FABP6: variants seen among roughly 807,000 people sequenced by gnomAD.
The protein encoded by FABP6 is fatty acid binding protein 6, also known as gastrotropin.
Under a neutral mutation model 14.9 loss-of-function variants are expected in FABP6, and 13 were observed. That is an observed-to-expected ratio of 0.87 (90% CI 0.57 to 1.39). The LOEUF is 1.39. Ranked by LOEUF, FABP6 falls within the 40% of genes most tolerant of loss-of-function variation. The pLI, the probability that FABP6 is intolerant of heterozygous loss-of-function variation, is 0.00. For synonymous variants in FABP6, 75 were observed against 63.6 expected (o/e 1.18, Z -0.85); for missense variants, 161 against 167.2 (o/e 0.96, Z 0.20).
intron 3 of FABP6, among the ~76,000 whole-genome samples, chr5:160,238,327 T>A (rs142050181): frequency 3.9e-5 from 6 of 152,200 alleles, no homozygotes; most frequent in Admixed American, 1.3e-4. Context: ...TTAAATGGAA[T>A]CATGCAGGGT....
At chr5:160,194,067 G>C (rs1168748645) in intron 1 of FABP6, among the ~76,000 whole-genome samples, 1 of 152,246 alleles carries the variant, frequency 6.6e-6, no homozygotes, top group African/African-American at 2.4e-5. Context: ...GGCCCGGCGA[G>C]AAATCAAGCG....
chr5:160,209,912 G>T (rs955647591), intron 2 of FABP6, among the ~76,000 whole-genome samples: 7 of 152,108 alleles, frequency 4.6e-5, no homozygotes, highest in African/African-American at 1.7e-4. Context: ...AGCAACCTAA[G>T]ACATACATTT....
At chr5:160,234,979 A>G in intron 3 of FABP6, 70 bp downstream of exon 3, 5 of 1,394,436 alleles carry the variant, frequency 3.6e-6, no homozygotes, top group Non-Finnish European at 4.0e-6. Flanking sequence ...GCCCCTCAGA[A>G]GTAGGCCTCT....
chr5:160,224,098 T>C (rs1293354038), intron 3 of FABP6, among the ~76,000 whole-genome samples: 3 of 151,588 alleles, frequency 2.0e-5, no homozygotes, highest in Non-Finnish European at 4.4e-5. Flanking sequence ...TAGCTGGGCG[T>C]GGTGGTGGGC....
At chr5:160,201,500 T>C (rs1250395238) in intron 2 of FABP6, among the ~76,000 whole-genome samples, 1 of 150,866 alleles carries the variant, frequency 6.6e-6, no homozygotes, top group Non-Finnish European at 1.5e-5. Context: ...GAGAAGTGAA[T>C]GTATTACCTA....
At chr5:160,216,201 A>G (rs1760009277) in intron 3 of FABP6, among the ~76,000 whole-genome samples, 1 of 152,102 alleles carries the variant, frequency 6.6e-6, no homozygotes, top group African/African-American at 2.4e-5. Context: ...CCTAACACAT[A>G]GCCTTGTGCT....
intron 1 of FABP6, among the ~76,000 whole-genome samples, chr5:160,194,149 C>T (rs1759461956): frequency 6.6e-6 from 1 of 152,236 alleles, no homozygotes; most frequent in African/African-American, 2.4e-5. Flanking sequence ...GTGCTAAGTC[C>T]CTCATTGCCC....
chr5:160,229,861 ATTTTATTTTATT>A (rs1217552714), intron 1 of FABP6, among the ~76,000 whole-genome samples: 1 of 112,248 alleles, frequency 8.9e-6, no homozygotes, highest in African/African-American at 3.0e-5. Flanking sequence ...ATTTTATTTT[ATTTTATTTTATT>A]TTATTTTATT....
At chr5:160,194,094 G>A (rs747239966) in intron 1 of FABP6, among the ~76,000 whole-genome samples, 7 of 152,204 alleles carry the variant, frequency 4.6e-5, no homozygotes, top group Non-Finnish European at 1.0e-4. Flanking sequence ...CGGTGGGCCG[G>A]CACTGCTGGG....
chr5:160,226,604 A>G (rs1207301829), upstream of FABP6, among the ~76,000 whole-genome samples: 1 of 152,146 alleles, frequency 6.6e-6, no homozygotes, highest in Non-Finnish European at 1.5e-5. Flanking sequence ...TACTTTGTCA[A>G]GGTAACACTT....
chr5:160,227,818 A>ATGTG (rs776387001), upstream of FABP6, among the ~76,000 whole-genome samples: 5,181 of 130,052 alleles, frequency 0.04, 154 homozygotes, highest in African/African-American at 0.084. Flanking sequence ...AAAATCCATG[A>ATGTG]CGTGTGTGTG....
chr5:160,197,926 G>GTGTGTGTGTGTGTGTT, intron 1 of FABP6: 1 of 127,884 alleles, frequency 7.8e-6, no homozygotes. Flanking sequence ...TGCTTCGTGT[G>GTGTGTGTGTGTGTGTT]TGTGTGTGTG....
chr5:160,225,290 T>G (rs1463132089), upstream of FABP6, among the ~76,000 whole-genome samples: 4 of 150,874 alleles, frequency 2.7e-5, no homozygotes, highest in Non-Finnish European at 4.4e-5. Flanking sequence ...AGAGATGGGG[T>G]TCTGCCATGT....
chr5:160,190,538 T>C (rs1759374745), intron 1 of FABP6, among the ~76,000 whole-genome samples: 1 of 152,158 alleles, frequency 6.6e-6, no homozygotes, highest in African/African-American at 2.4e-5. Flanking sequence ...AGCCTGTGTC[T>C]CAGTTTTACA....
In FABP6 at chr5:160,219,389, TGTTCTATTG is replaced by T. The variant is rs1216730832; in HGVS notation, c.135+5580_135+5588del. ...TTCTTTATCTCTATTGGGGTATAGT[TGTTCTATTG>T]GTTCTATTGCCTCATAAAACTTCAC... On this transcript the variant is annotated intron_variant, in intron 3 of 6. Coordinates refer to the FABP6 transcript ENST00000393980. Among the ~76,000 whole-genome samples, 3 of 152,200 alleles carry T rather than the reference TGTTCTATTG, an allele frequency of 2.0e-5. No individual in the cohort carries two copies. In the East Asian group the frequency reaches 5.8e-4, roughly 29 times the overall value.
chr5:160,199,742 C>T (rs1759592432), intron 2 of FABP6, among the ~76,000 whole-genome samples: 1 of 152,184 alleles, frequency 6.6e-6, no homozygotes, highest in Admixed American at 6.5e-5. Flanking sequence ...CCCCAGTGTC[C>T]GGCGCGGGGA....
chr5:160,229,827 TTTTATTTTA>T (rs1199328028), intron 1 of FABP6, among the ~76,000 whole-genome samples: 2 of 352 alleles, frequency 5.7e-3, no homozygotes, highest in Non-Finnish European at 0.013. Context: ...AACTTTTTTA[TTTTATTTTA>T]TTTTATTTTA....
exon 2 of FABP6, chr5:160,199,055 C>T: frequency 6.2e-7 from 1 of 1,603,834 alleles, no homozygotes; most frequent in Non-Finnish European, 8.5e-7. Context: ...GCAGACTTTG[C>T]ACCTCTGGCT....
chr5:160,199,217 C>T, intron 2 of FABP6: 2 of 1,571,052 alleles, frequency 1.3e-6, no homozygotes, highest in Non-Finnish European at 8.8e-7. Context: ...ACCCAGGTCA[C>T]AGTGGGGAGA....
Sources: gnomAD v4.1 joint callset for allele counts (sites outside exome capture counted in the v4.1 genomes callset) on GRCh38, gnomAD v4.1.1 for gene constraint, MANE v1.5 for transcripts, NCBI Gene and HGNC (gene_info 2026-07-23, HGNC 2026-07-21) for gene names.